Variants in BNIP3L observed in about 807,000 individuals in gnomAD.
The protein encoded by BNIP3L is BCL2 interacting protein 3 like.
Under a neutral mutation model 25.5 loss-of-function variants are expected in BNIP3L, and 10 were observed. The observed-to-expected ratio is 0.39, with a 90% CI of 0.24 to 0.67. The LOEUF (loss-of-function observed/expected upper bound fraction) is 0.67, where lower values mean the gene tolerates loss of function less well. Ranked by LOEUF, BNIP3L falls within the 30% of genes least tolerant of loss-of-function variation. The probability of loss-of-function intolerance (pLI) is 0.45; values close to 1 mark genes in which losing one functional copy is unlikely to be tolerated. For missense variants in BNIP3L, 215 were observed against 270.9 expected, an observed-to-expected ratio of 0.79 and a Z score of 1.45; for synonymous variants, 113 against 101.2, an observed-to-expected ratio of 1.12 and a Z score of -0.70.
chr8:26,396,826 C>T (rs1200207130), intron 3 of BNIP3L, among the ~76,000 whole-genome samples: 1 of 124,824 alleles, frequency 8.0e-6, no homozygotes, highest in Non-Finnish European at 1.7e-5. Flanking sequence ...GTGAAGAATG[C>T]AGAAGCCTCA....
intron 3 of BNIP3L, among the ~76,000 whole-genome samples, chr8:26,397,779 T>A (rs1352221614): frequency 2.7e-5 from 1 of 37,480 alleles, no homozygotes; most frequent in Non-Finnish European, 5.2e-5. Flanking sequence ...TGGAGGAAGA[T>A]CTACCAAGCA....
Position 26,391,426 on chromosome 8 carries a change from G to A in BNIP3L, c.284G>A (p.Ser95Asn). 6 of 1,531,618 alleles carry A rather than the reference G, an allele frequency of 3.9e-6. No individual in the cohort carries two copies. The highest frequency in any genetic ancestry group is 4.4e-6 in the Non-Finnish European group (5 of 1,134,368). 94.9% of individuals were successfully genotyped at this position (1,531,618 alleles called of 1,614,324 possible). The change falls in exon 2 of 6, where the codon AGC becomes AAC. Residue 95 changes from serine (S) to asparagine (N), a missense_variant and splice_region_variant. Physicochemically the swap from Ser to Asn is conservative, Grantham distance 46. Around this residue, in one of 4 missense-constraint regions of BNIP3L, gnomAD observed 36 missense variants for 75.2 expected, o/e 0.48. Transcript: ENST00000380629. ...TCCAGAGGCAGTTCTCACTGTGACA[G>A]GTAAGTGAGACCCATGTTTTGGTGG... ...SSSRGSSHCD[S>N]PSPQEDGQIM... is the part of the protein sequence containing the mutation.
intron 3 of BNIP3L, among the ~76,000 whole-genome samples, chr8:26,406,365 G>A (rs1052922061): frequency 4.6e-5 from 7 of 152,212 alleles, no homozygotes; most frequent in Non-Finnish European, 1.5e-5. Context: ...GTGCTTAACA[G>A]TAGGGCCTCT....
chr8:26,393,408 C>T (rs537094773), intron 2 of BNIP3L, among the ~76,000 whole-genome samples: 1 of 147,306 alleles, frequency 6.8e-6, no homozygotes, highest in East Asian at 2.0e-4. Flanking sequence ...TAGATTCACC[C>T]AGAAGCTTTT....
chr8:26,383,102 G>C lies in BNIP3L; in HGVS notation c.-29G>C. The C allele has an allele frequency of 6.4e-7, 1 of 1,570,546 alleles. No homozygotes were observed. The highest frequency in any genetic ancestry group is 8.7e-7 in the Non-Finnish European group (1 of 1,154,638). ...CCTGAGTGCCGGAGACGGTCCTGCT[G>C]CTGCCGCAGTCCTGCCAGCTGTCCG... On this transcript the variant is annotated 5_prime_UTR_variant, in exon 1 of 6. Transcript: ENST00000380629.
chr8:26,386,918 A>G (rs953052279), intron 1 of BNIP3L, among the ~76,000 whole-genome samples: 1 of 152,206 alleles, frequency 6.6e-6, no homozygotes, highest in Non-Finnish European at 1.5e-5. Context: ...GAAGAATGCC[A>G]GTAACTCTTG....
At chr8:26,395,365 A>G in intron 3 of BNIP3L, 63 bp downstream of exon 3, 1 of 1,531,826 alleles carries the variant, frequency 6.5e-7, no homozygotes, top group Non-Finnish European at 9.0e-7. Flanking sequence ...CTCTAAGTAT[A>G]TTTTGCTAAA....
At chr8:26,391,467 TGGGTTACA>T in intron 2 of BNIP3L, 41 bp downstream of exon 2, 1 of 1,474,442 alleles carries the variant, frequency 6.8e-7, no homozygotes, top group Non-Finnish European at 9.0e-7. Flanking sequence ...AGGAAACAGG[TGGGTTACA>T]GGGCTCATTC....
At chr8:26,394,307 TAA>T (rs1051555673) in intron 2 of BNIP3L, among the ~76,000 whole-genome samples, 51 of 152,222 alleles carry the variant, frequency 3.4e-4, no homozygotes, top group African/African-American at 1.1e-3. Flanking sequence ...TATTAATATA[TAA>T]GTTATATAAT....
intron 1 of BNIP3L, among the ~76,000 whole-genome samples, chr8:26,384,837 A>G (rs12549088): frequency 0.019 from 2,874 of 150,592 alleles, 45 homozygotes; most frequent in Admixed American, 0.051. Context: ...AGCTGGGACT[A>G]CAGGTGCCTG....
intron 3 of BNIP3L, among the ~76,000 whole-genome samples, chr8:26,406,038 G>A (rs561072490): frequency 4.6e-5 from 7 of 152,172 alleles, no homozygotes; most frequent in East Asian, 1.9e-4. Flanking sequence ...GCGAGACTCC[G>A]TCTCAAAAAG....
chr8:26,407,893 C>G lies in BNIP3L; in HGVS notation c.358-107C>G, dbSNP rs1806535631. Reference sequence around the variant, plus strand: ...GCAACATGTTTGTTATCTAAAATTTCTGAGACACAACCTTATGAGTTTGGT... The same window carrying G: ...GCAACATGTTTGTTATCTAAAATTTGTGAGACACAACCTTATGAGTTTGGT... On this transcript the variant is annotated intron_variant, in intron 3 of 5. Transcript: ENST00000380629. 4.2e-6 allele frequency: 4 copies of G among 945,762 alleles called. No individual in the cohort carries two copies. The African/African-American group carries it at 6.7e-5, about 16-fold the overall frequency. The allele number at this position is 945,762 out of a possible 1,614,324, so 58.6% of individuals were successfully genotyped here. A position where few individuals can be genotyped will look rare whatever the true frequency, so the allele number is the denominator to read the frequency against.
At chr8:26,389,788 A>G (rs1433494823) in intron 1 of BNIP3L, among the ~76,000 whole-genome samples, 4 of 152,208 alleles carry the variant, frequency 2.6e-5, no homozygotes, top group Admixed American at 1.3e-4. Flanking sequence ...ATTCCCAGCT[A>G]GGTCTGCCTT....
At position 26,410,513 on chromosome 8, in the gene BNIP3L, A is replaced by G. The variant is rs1463987606; in HGVS notation, c.*101A>G. The stretch of plus-strand genomic sequence containing the variant: ...GACCATTGTAAGCATGACCCAACCT[A>G]CCACCCTGTTTTTACATATCCAATT... On this transcript the variant is annotated 3_prime_UTR_variant, in exon 6 of 6. Coordinates refer to ENST00000380629, the MANE Select transcript of BNIP3L (RefSeq NM_004331.3). 2 of 1,346,044 alleles carry G rather than the reference A, an allele frequency of 1.5e-6. No individual in the cohort carries two copies. The highest frequency in any genetic ancestry group is 2.9e-5 in the African/African-American group (2 of 69,334). The allele number at this position is 1,346,044 out of a possible 1,614,324, so 83.4% of individuals were successfully genotyped here. A position where few individuals can be genotyped will look rare whatever the true frequency, so the allele number is the denominator to read the frequency against.
intron 3 of BNIP3L, among the ~76,000 whole-genome samples, chr8:26,399,907 A>G (rs1806330894): frequency 6.9e-6 from 1 of 145,818 alleles, no homozygotes; most frequent in Non-Finnish European, 1.5e-5. Context: ...GCTCAAGGAA[A>G]TAAAAGAGGA....
At chr8:26,406,962 T>C (rs920557311) in intron 3 of BNIP3L, among the ~76,000 whole-genome samples, 3 of 152,082 alleles carry the variant, frequency 2.0e-5, no homozygotes, top group African/African-American at 7.2e-5. Flanking sequence ...ATCCTTTTAT[T>C]TCCTTTTATT....
rs1386683177 is a variant in BNIP3L, at chr8:26,411,098, A to G, written c.*686A>G. 1 of 152,654 alleles carries G rather than the reference A, an allele frequency of 6.6e-6. No individual in the cohort carries two copies. The highest frequency in any genetic ancestry group is 1.5e-5 in the Non-Finnish European group (1 of 68,080). 9.5% of individuals were successfully genotyped at this position (152,654 alleles called of 1,614,324 possible). On this transcript the variant is annotated 3_prime_UTR_variant, in exon 6 of 6. Coordinates refer to ENST00000380629, the MANE Select transcript of BNIP3L (RefSeq NM_004331.3). Reference sequence around the variant, plus strand: ...TGAAATAGAATAAGAAGTAAAATACATCAGCAGATTTTCATACTAGTATGT... The same window carrying G: ...TGAAATAGAATAAGAAGTAAAATACGTCAGCAGATTTTCATACTAGTATGT...
rs1319170702 is a variant in BNIP3L at position 26,411,804 on chromosome 8, T to A, written c.*1392T>A. Reference sequence around the variant, plus strand: ...ACTCTGAAGGATACCACATGTTTTATATATAAATAATTACTGTTTATGATA... The same window carrying A: ...ACTCTGAAGGATACCACATGTTTTAAATATAAATAATTACTGTTTATGATA... On this transcript the variant is annotated 3_prime_UTR_variant, in exon 6 of 6. Coordinates refer to ENST00000380629, the MANE Select transcript of BNIP3L (RefSeq NM_004331.3). The A allele has an allele frequency of 6.6e-6, 1 of 152,624 alleles. No homozygotes were observed. Among genetic ancestry groups the A allele is most frequent in the Non-Finnish European group, 1.5e-5 (1 of 68,044 alleles). 9.5% of individuals were successfully genotyped at this position (152,624 alleles called of 1,614,324 possible). A position where few individuals can be genotyped will look rare whatever the true frequency, so the allele number is the denominator to read the frequency against.
chr8:26,408,424 T>G, intron 5 of BNIP3L, 48 bp downstream of exon 5: 1 of 1,550,576 alleles, frequency 6.4e-7, no homozygotes, highest in Middle Eastern at 1.7e-4. Context: ...TTTTATCCTC[T>G]TATTTTCAGA....
Sources: gnomAD v4.1 joint callset for allele counts (sites outside exome capture counted in the v4.1 genomes callset) on GRCh38, gnomAD v4.1.1 for gene constraint, gnomAD v4.1.1 regional missense constraint, MANE v1.5 for transcripts, NCBI Gene and HGNC (gene_info 2026-07-23, HGNC 2026-07-21) for gene names.